The following RAB3GAP2 variants were observed in gnomAD, a reference collection of about 807,000 sequenced individuals.
RAB3GAP2 encodes RAB3 GTPase activating non-catalytic protein subunit 2.
RAB3GAP2 carries 87 observed loss-of-function variants against 185.3 expected under a neutral mutation model. The observed-to-expected ratio is 0.47, with a 90% CI of 0.39 to 0.56. The LOEUF is 0.56. Among genes scored for constraint, RAB3GAP2 ranks in the 20% least tolerant of loss-of-function variants. RAB3GAP2 has a pLI of 0.00. For synonymous variants in RAB3GAP2, 554 were observed against 576.1 expected, an observed-to-expected ratio of 0.96 and a Z score of 0.55; for missense variants, 1,492 against 1,638.2, an observed-to-expected ratio of 0.91 and a Z score of 1.54.
At chr1:220,248,516 G>C (rs1399058400) in intron 1 of RAB3GAP2, among the ~76,000 whole-genome samples, 1 of 151,878 alleles carries the variant, frequency 6.6e-6, no homozygotes, top group Non-Finnish European at 1.5e-5. Context: ...TAGGGGTTGG[G>C]GAAATAGACC....
intron 21 of RAB3GAP2, among the ~76,000 whole-genome samples, chr1:220,176,430 T>C (rs1447979532): frequency 2.0e-5 from 3 of 152,216 alleles, no homozygotes; most frequent in African/African-American, 7.2e-5. Flanking sequence ...GACTTCCAGA[T>C]TGAAGCCCAG....
chr1:220,151,400 G>A lies in RAB3GAP2; in HGVS notation c.4033C>T (p.Gln1345Ter). The A allele has an allele frequency of 6.2e-7, 1 of 1,614,094 alleles. No individual in the cohort carries two copies. Among genetic ancestry groups the A allele is most frequent in the Non-Finnish European group, 8.5e-7 (1 of 1,179,990 alleles). ...LCTWLKAMDPQDLQNTEVPIA... is the reference protein window; with the variant it reads ...LCTWLKAMDP The stretch of plus-strand genomic sequence containing the variant: ...GGCACTTCAGTGTTTTGAAGGTCCT[G>A]GGGGTCCTGCAAATGGGACACAAAA... The change falls in exon 35 of 35, where the codon CAG (glutamine) becomes TAG (stop). Residue 1345 changes from glutamine to a stop codon, truncating the protein, a stop_gained. Coordinates refer to ENST00000358951, the MANE Select transcript of RAB3GAP2 (RefSeq NM_012414.4). LOFTEE classifies it high-confidence loss of function.
chr1:220,164,851 G>A (rs1658035946), intron 26 of RAB3GAP2, 52 bp from the exon 27 acceptor site: 2 of 1,532,108 alleles, frequency 1.3e-6, no homozygotes, highest in Non-Finnish European at 1.8e-6. Flanking sequence ...TCATTTAATA[G>A]GTTTTACCAT....
chr1:220,245,548 A>G (rs895968602), intron 1 of RAB3GAP2, among the ~76,000 whole-genome samples: 2 of 152,142 alleles, frequency 1.3e-5, no homozygotes, highest in African/African-American at 4.8e-5. Flanking sequence ...TTGCTAGCAC[A>G]GCAGTCTGAG....
rs571511391 is a variant in RAB3GAP2 at position 220,257,235 on chromosome 1, G to A, written c.115+14988C>T. On this transcript the variant is annotated intron_variant, in intron 1 of 34. Transcript: ENST00000358951. ...CTACTAAAAATACAAAAAATTAGCC[G>A]GGCGTGGTGGCACGTGCCTGTAGTC... Among the ~76,000 whole-genome samples the A allele has an allele frequency of 3.2e-4, 49 of 151,976 alleles. 1 individual carries two copies. In the South Asian group the frequency reaches 8.3e-3, roughly 26 times the overall value.
chr1:220,168,573 A>G (rs1233581348), intron 24 of RAB3GAP2, among the ~76,000 whole-genome samples: 1 of 149,946 alleles, frequency 6.7e-6, no homozygotes, highest in Non-Finnish European at 1.5e-5. Flanking sequence ...AAATTTTTGT[A>G]TTTAGTAGAG....
intron 4 of RAB3GAP2, among the ~76,000 whole-genome samples, chr1:220,212,449 T>A (rs1659101395): frequency 1.3e-5 from 2 of 152,138 alleles, no homozygotes. Context: ...AGGATACATA[T>A]ACATTTACTA....
At chr1:220,181,869 C>T (rs1305987562) in intron 21 of RAB3GAP2, among the ~76,000 whole-genome samples, 7 of 151,458 alleles carry the variant, frequency 4.6e-5, no homozygotes, top group South Asian at 2.1e-4. Context: ...GGCAACATAG[C>T]GAGACCCCCA....
intron 21 of RAB3GAP2, among the ~76,000 whole-genome samples, chr1:220,180,819 T>C (rs1658389827): frequency 6.6e-6 from 1 of 152,176 alleles, no homozygotes; most frequent in African/African-American, 2.4e-5. Context: ...AGAGGTAGGA[T>C]GCCCAAATCC....
At chr1:220,224,788 A>C (rs1387592568) in intron 2 of RAB3GAP2, among the ~76,000 whole-genome samples, 1 of 152,218 alleles carries the variant, frequency 6.6e-6, no homozygotes, top group African/African-American at 2.4e-5. Flanking sequence ...GTTCCTAGAA[A>C]GCTAACTCCT....
intron 8 of RAB3GAP2, 120 bp from the exon 9 acceptor site, chr1:220,202,494 A>C (rs1658881499): frequency 1.9e-6 from 2 of 1,025,660 alleles, no homozygotes; most frequent in Non-Finnish European, 2.9e-6. Context: ...GACACAAAGT[A>C]ATGAAAACAA....
At chr1:220,174,410 G>GT (rs1658248454) in intron 21 of RAB3GAP2, among the ~76,000 whole-genome samples, 1 of 151,992 alleles carries the variant, frequency 6.6e-6, no homozygotes, top group African/African-American at 2.4e-5. Flanking sequence ...TGGGTACATA[G>GT]TAGGTAGGTG....
intron 2 of RAB3GAP2, among the ~76,000 whole-genome samples, chr1:220,225,435 T>C (rs1262714668): frequency 6.6e-6 from 1 of 152,132 alleles, no homozygotes; most frequent in Non-Finnish European, 1.5e-5. Context: ...TCTCTCAATA[T>C]CAGCGCTATT....
At chr1:220,208,118 C>G (rs1659004720) in intron 7 of RAB3GAP2, 1 of 152,130 alleles carries the variant, frequency 6.6e-6, no homozygotes. Flanking sequence ...TTGCTTTGTA[C>G]AGCAAATAGC....
chr1:220,161,115 T>C (rs1452411082), intron 28 of RAB3GAP2, among the ~76,000 whole-genome samples: 4 of 152,116 alleles, frequency 2.6e-5, no homozygotes, highest in South Asian at 4.1e-4. Context: ...AGAGGTGAAG[T>C]TGAATAGGAG....
chr1:220,264,702 A>T (rs1310071000), intron 1 of RAB3GAP2, among the ~76,000 whole-genome samples: 1 of 152,016 alleles, frequency 6.6e-6, no homozygotes, highest in Non-Finnish European at 1.5e-5. Context: ...TGAATCCCAT[A>T]CTGTTTCACA....
At chr1:220,174,223 G>A (rs548037935) in intron 21 of RAB3GAP2, among the ~76,000 whole-genome samples, 146 of 151,892 alleles carry the variant, frequency 9.6e-4, no homozygotes, top group African/African-American at 3.4e-3. Flanking sequence ...ATTTATATAT[G>A]CACTTAATTT....
intron 14 of RAB3GAP2, 66 bp downstream of exon 14, chr1:220,191,002 T>C: frequency 7.0e-7 from 1 of 1,422,074 alleles, no homozygotes; most frequent in South Asian, 1.2e-5. Flanking sequence ...AGTAAAGCTT[T>C]ATTTTAATAA....
In RAB3GAP2 at chr1:220,258,266, G is replaced by A. The variant is rs145493940; in HGVS notation, c.115+13957C>T. On this transcript the variant is annotated intron_variant, in intron 1 of 34. Coordinates refer to ENST00000358951, the MANE Select transcript of RAB3GAP2 (RefSeq NM_012414.4). ...CAGCATCATCTTGATACCAAAACCC[G>A]GCAGAGATACAACAAAAGAAAAAAA... Among the ~76,000 whole-genome samples the A allele has an allele frequency of 5.6e-3, 858 of 152,104 alleles. 5 individuals carry two copies. Among genetic ancestry groups the A allele is most frequent in the South Asian group, 0.019 (92 of 4,810 alleles).
Sources: allele counts gnomAD v4.1 joint callset (sites outside exome capture counted in the v4.1 genomes callset), GRCh38; gene constraint gnomAD v4.1.1; transcripts MANE v1.5; gene names NCBI Gene and HGNC (gene_info 2026-07-23, HGNC 2026-07-21).